The following COL4A1 variants were observed in gnomAD, a reference collection of about 807,000 sequenced individuals.
COL4A1 encodes collagen alpha-1(IV) chain.
In COL4A1, 40 loss-of-function variants were observed where a neutral mutation model predicts 216.6. The observed-to-expected ratio is 0.18, with a 90% confidence interval of 0.14 to 0.24. The LOEUF (loss-of-function observed/expected upper bound fraction) is 0.24. Ranked by LOEUF, COL4A1 falls within the 10% of genes least tolerant of loss-of-function variation. COL4A1 has a pLI of 1.00. For missense variants in COL4A1, 1,628 were observed against 2,196.8 expected (o/e 0.74, Z 5.18); for synonymous variants, 839 against 810.7 (o/e 1.03, Z -0.59).
intron 2 of COL4A1, among the ~76,000 whole-genome samples, chr13:110,226,227 T>A (rs911561490): frequency 6.6e-6 from 1 of 152,192 alleles, no homozygotes; most frequent in Admixed American, 6.5e-5. Context: ...GATGACAGTT[T>A]CAAGAAACTC....
chr13:110,219,910 ATGTG>A (rs1283709428), intron 2 of COL4A1, among the ~76,000 whole-genome samples: 2 of 135,850 alleles, frequency 1.5e-5, no homozygotes, highest in South Asian at 2.3e-4. Context: ...ATGTATATAT[ATGTG>A]TGTATATATA....
chr13:110,300,161 C>T (rs1404114116), intron 1 of COL4A1, among the ~76,000 whole-genome samples: 4 of 151,948 alleles, frequency 2.6e-5, no homozygotes, highest in Non-Finnish European at 5.9e-5. Context: ...GAAACAATAC[C>T]AAAATGGTTA....
rs1332291898 is a variant in COL4A1, at chr13:110,152,203, G to A, written c.4928+131C>T. 259 of 1,428,404 alleles carry A rather than the reference G, an allele frequency of 1.8e-4. 1 individual carries two copies. Among genetic ancestry groups the A allele is most frequent in the Non-Finnish European group, 2.3e-4 (242 of 1,050,500 alleles). The allele number at this position is 1,428,404 out of a possible 1,614,324, so 88.5% of individuals were successfully genotyped here. On this transcript the variant is annotated intron_variant, in intron 51 of 51. Transcript: ENST00000375820. ...ATCGTCTCGGTCATCTGCCCATGTC[G>A]AACAGCATCAAATATTCATTGCTAA...
In COL4A1 at chr13:110,210,010, A is replaced by G. The variant is rs1335771383; in HGVS notation, c.585T>C (p.Pro195=). Residue 195 remains proline (P), a synonymous_variant, in exon 10 of 52, where the codon CCT becomes CCC. Coordinates refer to ENST00000375820, the MANE Select transcript of COL4A1 (RefSeq NM_001845.6). ...GPPGLPGLQG[P]VGPPGFTGPP... is the part of the protein sequence containing the mutation. ...GTCCGGTAAATCCTGGAGGCCCAACAGGACCTTGAAGCCCTGGCAGTCCTG... is the reference window on the plus strand; with the variant it reads ...GTCCGGTAAATCCTGGAGGCCCAACGGGACCTTGAAGCCCTGGCAGTCCTG... 3.7e-6 allele frequency: 6 copies of G among 1,614,104 alleles called. No homozygotes were observed. The highest frequency in any genetic ancestry group is 2.7e-5 in the African/African-American group (2 of 74,936).
intron 12 of COL4A1, among the ~76,000 whole-genome samples, chr13:110,208,571 G>T (rs758188939): frequency 6.6e-6 from 1 of 152,214 alleles, no homozygotes. Flanking sequence ...CACTGACGAA[G>T]AAGAGTTTGA....
intron 45 of COL4A1, 74 bp from the exon 46 acceptor site, chr13:110,165,064 T>C: frequency 3.3e-6 from 5 of 1,527,898 alleles, no homozygotes; most frequent in Non-Finnish European, 4.5e-6. Flanking sequence ...AGAAGGAGAA[T>C]CCCGGGTGAA....
intron 49 of COL4A1, among the ~76,000 whole-genome samples, chr13:110,160,672 A>G (rs1298742399): frequency 6.6e-6 from 1 of 152,150 alleles, no homozygotes; most frequent in African/African-American, 2.4e-5. Context: ...GCATTATCTC[A>G]CCATGGTTTT....
chr13:110,280,632 C>T (rs760723749), intron 1 of COL4A1, among the ~76,000 whole-genome samples: 10 of 152,360 alleles, frequency 6.6e-5, no homozygotes, highest in African/African-American at 1.7e-4. Context: ...GACAATCCCA[C>T]GCCTACATCT....
In COL4A1 at chr13:110,149,534, T is replaced by C. The variant is rs1258675491; in HGVS notation, c.*829A>G. 1 of 152,598 alleles carries C rather than the reference T, an allele frequency of 6.6e-6. No homozygotes were observed. The highest frequency in any genetic ancestry group is 1.5e-5 in the Non-Finnish European group (1 of 68,036). 9.5% of individuals were successfully genotyped at this position (152,598 alleles called of 1,614,324 possible). On this transcript the variant is annotated 3_prime_UTR_variant, in exon 52 of 52. Coordinates refer to ENST00000375820, the MANE Select transcript of COL4A1 (RefSeq NM_001845.6). ...GGGTTTGGTTTTGGCAACACATAAT[T>C]TTTGGTTTAGAAGTGAACAATGAAA...
At chr13:110,296,471 C>T (rs571438262) in intron 1 of COL4A1, among the ~76,000 whole-genome samples, 19 of 152,164 alleles carry the variant, frequency 1.2e-4, no homozygotes, top group African/African-American at 1.7e-4. Flanking sequence ...AGTATAATCA[C>T]GAAATCAATA....
chr13:110,216,844 T>C (rs1357768895), intron 2 of COL4A1, among the ~76,000 whole-genome samples: 1 of 152,208 alleles, frequency 6.6e-6, no homozygotes, highest in Non-Finnish European at 1.5e-5. Flanking sequence ...AAGATTCCGA[T>C]GCTTAACTGA....
At chr13:110,175,772 G>A (rs17517971) in intron 36 of COL4A1, among the ~76,000 whole-genome samples, 7,405 of 152,318 alleles carry the variant, frequency 0.049, 286 homozygotes, top group Admixed American at 0.062. Flanking sequence ...GTTCTGTGAT[G>A]CATGCTGGTA....
chr13:110,203,822 C>G (rs552601587), intron 17 of COL4A1, among the ~76,000 whole-genome samples: 1 of 152,072 alleles, frequency 6.6e-6, no homozygotes, highest in Non-Finnish European at 1.5e-5. Context: ...AAATAAAGAT[C>G]TCTGCAAAAT....
intron 24 of COL4A1, chr13:110,191,470 C>T (rs1878622330): frequency 2.3e-6 from 1 of 437,554 alleles, no homozygotes. Context: ...ACTTCAGAAA[C>T]AGAAGTCATT....
rs751501177 is a variant in COL4A1, at chr13:110,222,771, T to TAAAAAAAAAAA, written c.145-8757_145-8756insTTTTTTTTTTT. ...CTGGGCGACAGAGCCAGACTCTGCT[T>TAAAAAAAAAAA]TAAAAAAAAAAAAAAAAAAAAAAAA... is the stretch of plus-strand genomic sequence containing the variant. On this transcript the variant is annotated intron_variant, in intron 2 of 51. Coordinates refer to ENST00000375820, the MANE Select transcript of COL4A1 (RefSeq NM_001845.6). Among the ~76,000 whole-genome samples the TAAAAAAAAAAA allele has an allele frequency of 6.6e-3, 613 of 93,328 alleles. 75 individuals are homozygous for TAAAAAAAAAAA. Among genetic ancestry groups the TAAAAAAAAAAA allele is most frequent in the Middle Eastern group, 0.024 (4 of 168 alleles). The allele number at this position is 93,328 out of a possible 152,430, so 61.2% of individuals were successfully genotyped here. A position where few individuals can be genotyped will look rare whatever the true frequency, so the allele number is the denominator to read the frequency against.
At chr13:110,189,094 G>A (rs147894601) in intron 24 of COL4A1, among the ~76,000 whole-genome samples, 533 of 152,206 alleles carry the variant, frequency 3.5e-3, no homozygotes, top group African/African-American at 0.012. Context: ...ACAGATTTTC[G>A]CTCTTGTTGC....
intron 1 of COL4A1, among the ~76,000 whole-genome samples, chr13:110,261,131 C>G (rs535791885): frequency 6.6e-6 from 1 of 151,448 alleles, no homozygotes; most frequent in Non-Finnish European, 1.5e-5. Context: ...TTCACCAATT[C>G]CATGAACTCC....
At chr13:110,156,203 C>T (rs1876779550) in intron 49 of COL4A1, among the ~76,000 whole-genome samples, 1 of 152,214 alleles carries the variant, frequency 6.6e-6, no homozygotes, top group Non-Finnish European at 1.5e-5. Context: ...AACTTTTCTT[C>T]TTTGGGCATT....
intron 1 of COL4A1, among the ~76,000 whole-genome samples, chr13:110,279,242 T>C (rs1304051540): frequency 6.6e-6 from 1 of 152,182 alleles, no homozygotes; most frequent in East Asian, 1.9e-4. Flanking sequence ...CTATTTTTGC[T>C]TCTTATGACA....
Sources: allele counts gnomAD v4.1 joint callset (sites outside exome capture counted in the v4.1 genomes callset), GRCh38; gene constraint gnomAD v4.1.1; transcripts MANE v1.5; gene names NCBI Gene and HGNC (gene_info 2026-07-23, HGNC 2026-07-21).